ZNF711: variants seen among roughly 807,000 people sequenced by gnomAD.
The protein encoded by ZNF711 is zinc finger protein 711.
A neutral mutation model predicts 43.5 loss-of-function variants in ZNF711; 3 were observed. The observed-to-expected ratio is 0.07, with a 90% CI of 0.03 to 0.18. The LOEUF (loss-of-function observed/expected upper bound fraction) is 0.18, where lower values mean the gene tolerates loss of function less well. Among genes scored for constraint, ZNF711 ranks in the 10% least tolerant of loss-of-function variants. The pLI is 1.00. For missense variants in ZNF711, 412 were observed against 604.0 expected, an observed-to-expected ratio of 0.68 and a Z score of 3.33; for synonymous variants, 209 against 207.7, an observed-to-expected ratio of 1.01 and a Z score of -0.06.
At chrX:85,261,781 T>C (rs1282033917) in intron 5 of ZNF711, among the ~76,000 whole-genome samples, 1 of 111,261 alleles carries the variant, frequency 9.0e-6, no homozygotes, top group Non-Finnish European at 1.9e-5. Flanking sequence ...GTTATTTTAT[T>C]ACTTATTGCT....
In ZNF711 at chrX:85,247,565, T is replaced by C; in HGVS notation, c.-8T>C. The C allele has an allele frequency of 8.3e-7, 1 of 1,201,636 alleles. No homozygotes were observed. The highest frequency in any genetic ancestry group is 3.0e-5 in the East Asian group (1 of 33,786). On this transcript the variant is annotated 5_prime_UTR_variant, in exon 4 of 11. Coordinates refer to ENST00000674551, the MANE Select transcript of ZNF711 (RefSeq NM_001330574.2). Reference sequence around the variant, plus strand: ...TTTGCAGATATTGGTGAATGAACTTTGCTAAGTATGGATTCAGGCGGTGGA... The same window carrying C: ...TTTGCAGATATTGGTGAATGAACTTCGCTAAGTATGGATTCAGGCGGTGGA...
At position 85,255,599 on chromosome X, in the gene ZNF711, C is replaced by T. The variant is rs762730851; in HGVS notation, c.420C>T (p.His140=). Residue 140 remains histidine, a synonymous_variant, in exon 5 of 11, where the codon CAC becomes CAT. Transcript: ENST00000674551. ...ACCTTGTTACTGGTCCTAATGGACA[C>T]TTAGAACATGTGGTCCAAGATTGTG... ...VADLVTGPNG[H]LEHVVQDCVS... is the part of the protein sequence containing the mutation. 2.5e-6 allele frequency: 3 copies of T among 1,211,554 alleles called. No individual in the cohort carries two copies. The highest frequency in any genetic ancestry group is 3.4e-6 in the Non-Finnish European group (3 of 895,399).
At chrX:85,256,396 A>T (rs993565595) in intron 5 of ZNF711, among the ~76,000 whole-genome samples, 7 of 111,763 alleles carry the variant, frequency 6.3e-5, no homozygotes, top group African/African-American at 1.6e-4. Flanking sequence ...CCGAAGCGGG[A>T]AGATAGAAAT....
intron 5 of ZNF711, among the ~76,000 whole-genome samples, chrX:85,260,419 C>A (rs912619512): frequency 3.6e-5 from 4 of 110,935 alleles, no homozygotes; most frequent in African/African-American, 1.3e-4. Context: ...AAAGTTAACA[C>A]CTTTATAATT....
At chrX:85,259,250 C>T (rs763056068) in intron 5 of ZNF711, among the ~76,000 whole-genome samples, 8 of 110,975 alleles carry the variant, frequency 7.2e-5, no homozygotes, top group Non-Finnish European at 1.3e-4. Context: ...CTTTTCTGTT[C>T]CTTTGGTCTA....
At chrX:85,254,801 C>CA (rs376380248) in intron 4 of ZNF711, among the ~76,000 whole-genome samples, 2,965 of 35,180 alleles carry the variant, frequency 0.084, 169 homozygotes, top group East Asian at 0.24. Flanking sequence ...GACTCCGTCT[C>CA]AAAAAAAAAA....
At chrX:85,265,067 G>A in intron 6 of ZNF711, 51 bp from the exon 7 acceptor site, 1 of 1,076,742 alleles carries the variant, frequency 9.3e-7, no homozygotes, top group Non-Finnish European at 1.3e-6. Context: ...ATTAATTTAG[G>A]TGGTTATTCC....
intron 4 of ZNF711, among the ~76,000 whole-genome samples, chrX:85,249,496 A>G (rs779833908): frequency 7.2e-5 from 8 of 111,366 alleles, no homozygotes; most frequent in African/African-American, 2.6e-4. Context: ...TCCTTTCAAA[A>G]GATGAAAAAA....
chrX:85,256,029 T>C (rs1228403956), intron 5 of ZNF711, among the ~76,000 whole-genome samples: 1 of 111,454 alleles, frequency 9.0e-6, no homozygotes, highest in Non-Finnish European at 1.9e-5. Flanking sequence ...TTTATTAGTA[T>C]CTTAAAATAG....
chrX:85,255,774 A>G lies in ZNF711; in HGVS notation c.595A>G (p.Thr199Ala). 1 of 1,210,392 alleles carries G rather than the reference A, an allele frequency of 8.3e-7. No homozygotes were observed. The highest frequency in any genetic ancestry group is 1.8e-5 in the South Asian group (1 of 56,789). ...TGATGATGATGATGATGTCAAGAGCACTTCTGAAGACTACTTAATGATATC... is the reference window on the plus strand; with the variant it reads ...TGATGATGATGATGATGTCAAGAGCGCTTCTGAAGACTACTTAATGATATC... The part of the protein sequence containing the change: ...EDDDDDDVKS[T>A]SEDYLMISLD... Residue 199 changes from threonine to alanine, a missense_variant, in exon 5 of 11, where the codon ACT (threonine) becomes GCT (alanine). Around this residue, in one of 4 missense-constraint regions of ZNF711, gnomAD observed 375 missense variants for 514.2 expected, o/e 0.73. Coordinates refer to ENST00000674551, the MANE Select transcript of ZNF711 (RefSeq NM_001330574.2).
At position 85,244,139 on chromosome X, in the gene ZNF711, GGCGGCGGCAGCGGCGGCGGCA is replaced by G. The variant is rs1372277351; in HGVS notation, c.-449_-429del. On this transcript the variant is annotated 5_prime_UTR_variant, in exon 1 of 11. Transcript: ENST00000674551. ...GCGGCACGGAGGCGGCGGCGGCGGCGGCGGCGGCAGCGGCGGCGGCAGCGGCGGCGGCAGCTGTAGCTGCAG... is the reference window on the plus strand; with the variant it reads ...GCGGCACGGAGGCGGCGGCGGCGGCGGCGGCGGCGGCAGCTGTAGCTGCAG... 34 of 137,737 alleles carry G rather than the reference GGCGGCGGCAGCGGCGGCGGCA, an allele frequency of 2.5e-4. No homozygotes were observed. Among genetic ancestry groups the G allele is most frequent in the Admixed American group, 1.2e-3 (11 of 8,842 alleles). 11.4% of individuals were successfully genotyped at this position (137,737 alleles called of 1,213,427 possible).
chrX:85,251,976 A>C (rs1404294368), intron 4 of ZNF711, among the ~76,000 whole-genome samples: 1 of 111,539 alleles, frequency 9.0e-6, no homozygotes, highest in Non-Finnish European at 1.9e-5. Flanking sequence ...CACCTTATAC[A>C]GTTGTTCTGA....
In ZNF711 at chrX:85,254,070, C is replaced by T. The variant is rs190803818; in HGVS notation, c.80-1189C>T. On this transcript the variant is annotated intron_variant, in intron 4 of 10. Coordinates refer to ENST00000674551, the MANE Select transcript of ZNF711 (RefSeq NM_001330574.2). ...CTGCTAAAGGACACTTGGGTTGTGTCTAATTTTTTGCTACTATGAGTAATA... is the reference window on the plus strand; with the variant it reads ...CTGCTAAAGGACACTTGGGTTGTGTTTAATTTTTTGCTACTATGAGTAATA... Among the ~76,000 whole-genome samples, 342 of 111,200 alleles carry T rather than the reference C, an allele frequency of 3.1e-3. 1 individual carries two copies. The highest frequency in any genetic ancestry group is 0.011 in the African/African-American group (330 of 30,478).
intron 7 of ZNF711, 125 bp from the exon 8 acceptor site, chrX:85,267,153 A>C: frequency 1.8e-6 from 1 of 569,714 alleles, no homozygotes; most frequent in Non-Finnish European, 2.4e-6. Context: ...AATTGAAATT[A>C]AATTTATAAA....
At chrX:85,266,415 C>A (rs1415973268) in intron 7 of ZNF711, among the ~76,000 whole-genome samples, 1 of 110,854 alleles carries the variant, frequency 9.0e-6, no homozygotes, top group African/African-American at 3.3e-5. Context: ...TTAACTTATG[C>A]CAGAATTCTA....
In ZNF711 at chrX:85,271,824, T is replaced by C. The variant is rs970923520; in HGVS notation, c.2420T>C (p.Met807Thr). ...HIMRHHKEAL[M>T] is the part of the protein sequence containing the mutation. Reference sequence around the variant, plus strand: ...ATGAGGCACCACAAAGAGGCTCTTATGTAATAAGATCAATATAAAGAAAGA... The same window carrying C: ...ATGAGGCACCACAAAGAGGCTCTTACGTAATAAGATCAATATAAAGAAAGA... The change falls in exon 11 of 11, where the codon ATG (methionine) becomes ACG (threonine). Residue 807 changes from methionine (M) to threonine (T), a missense_variant. Met to Thr is a moderately conservative substitution (Grantham distance 81). This residue lies in a region of ZNF711 where 12 missense variants were observed against 17.6 expected (regional missense o/e 0.68). Coordinates refer to ENST00000674551, the MANE Select transcript of ZNF711 (RefSeq NM_001330574.2). 1.8e-5 allele frequency: 22 copies of C among 1,196,476 alleles called. No individual in the cohort carries two copies. Among genetic ancestry groups the C allele is most frequent in the Non-Finnish European group, 2.3e-5 (20 of 883,348 alleles).
intron 4 of ZNF711, among the ~76,000 whole-genome samples, chrX:85,254,812 AAAAAAAAGAAAAAG>A (rs1206431980): frequency 1.9e-5 from 2 of 106,721 alleles, no homozygotes; most frequent in African/African-American, 7.0e-5. Context: ...AAAAAAAAAA[AAAAAAAAGAAAAAG>A]AAAAAAAGAA....
chrX:85,262,898 C>G (rs192125999), intron 5 of ZNF711, among the ~76,000 whole-genome samples: 2 of 110,683 alleles, frequency 1.8e-5, no homozygotes, highest in East Asian at 5.7e-4. Context: ...TAAGGAAAAT[C>G]TAGACTTTGA....
intron 4 of ZNF711, 56 bp from the exon 5 acceptor site, chrX:85,255,203 G>A: frequency 9.7e-7 from 1 of 1,026,597 alleles, no homozygotes; most frequent in Non-Finnish European, 1.4e-6. Flanking sequence ...ATTAAATACA[G>A]TACTCTAAAT....
Sources: allele counts gnomAD v4.1 joint callset (sites outside exome capture counted in the v4.1 genomes callset), GRCh38; gene constraint gnomAD v4.1.1; regional missense constraint gnomAD v4.1.1; transcripts MANE v1.5; gene names NCBI Gene and HGNC (gene_info 2026-07-23, HGNC 2026-07-21).